Variants in RTKN2 observed in about 807,000 individuals in gnomAD.
The protein encoded by RTKN2 is rhotekin-2.
In RTKN2, 69 loss-of-function variants were observed where a neutral mutation model predicts 71.5. That is an observed-to-expected ratio of 0.96 (90% CI 0.79 to 1.18). The LOEUF (loss-of-function observed/expected upper bound fraction) is 1.18, where lower values mean the gene tolerates loss of function less well. Among genes scored for constraint, RTKN2 ranks in the 50% most tolerant of loss-of-function variants. The probability of loss-of-function intolerance (pLI) is 0.00; values close to 1 mark genes in which losing one functional copy is unlikely to be tolerated. For missense variants in RTKN2, 724 were observed against 719.7 expected, an observed-to-expected ratio of 1.01 and a Z score of -0.07; for synonymous variants, 236 against 236.5, an observed-to-expected ratio of 1.00 and a Z score of 0.02.
intron 7 of RTKN2, among the ~76,000 whole-genome samples, chr10:62,221,741 T>C (rs1841912077): frequency 6.6e-6 from 1 of 152,216 alleles, no homozygotes; most frequent in African/African-American, 2.4e-5. Flanking sequence ...TCCTAACAAA[T>C]AATTAGCAAA....
intron 2 of RTKN2, among the ~76,000 whole-genome samples, chr10:62,257,350 T>C (rs1482828363): frequency 6.6e-5 from 10 of 152,232 alleles, no homozygotes; most frequent in Non-Finnish European, 1.5e-4. Flanking sequence ...GAGGTATTCA[T>C]GATTTGGATG....
rs1224144640 is a variant in RTKN2 at position 62,193,944 on chromosome 10, A to G, written c.*3964T>C. The G allele has an allele frequency of 1.1e-5, 11 of 983,994 alleles. No individual in the cohort carries two copies. Among genetic ancestry groups the G allele is most frequent in the African/African-American group, 5.2e-5 (3 of 57,206 alleles). The allele number at this position is 983,994 out of a possible 1,614,324, so 61.0% of individuals were successfully genotyped here. ...TTAAACTGATTCCACCACACTGTCT[A>G]CTTCAATCAGTCTAGTCTAGAGGAG... On this transcript the variant is annotated 3_prime_UTR_variant, in exon 12 of 12. Transcript: ENST00000373789.
chr10:62,193,260 A>T lies in RTKN2; in HGVS notation c.*4648T>A, dbSNP rs1463213837. 1.0e-6 allele frequency: 1 copy of T among 961,168 alleles called. No individual in the cohort carries two copies. The highest frequency in any genetic ancestry group is 1.8e-5 in the African/African-American group (1 of 56,724). The allele number at this position is 961,168 out of a possible 1,614,324, so 59.5% of individuals were successfully genotyped here. A position where few individuals can be genotyped will look rare whatever the true frequency, so the allele number is the denominator to read the frequency against. On this transcript the variant is annotated 3_prime_UTR_variant, in exon 12 of 12. Coordinates refer to ENST00000373789, the MANE Select transcript of RTKN2 (RefSeq NM_145307.4). ...TCTGACATAATTATGTATATACAAG[A>T]TCTTTTCAATCTACCTCTCCTTTAG...
rs1841330458 is a variant in RTKN2 at position 62,196,324 on chromosome 10, C to A, written c.*1584G>T. On this transcript the variant is annotated 3_prime_UTR_variant, in exon 12 of 12. Coordinates refer to ENST00000373789, the MANE Select transcript of RTKN2 (RefSeq NM_145307.4). Reference sequence around the variant, plus strand: ...ACATGTGATGATCTCTACATGCTATCAAGCAGGCATATAGTACTTTCTTCT... The same window carrying A: ...ACATGTGATGATCTCTACATGCTATAAAGCAGGCATATAGTACTTTCTTCT... The A allele has an allele frequency of 3.0e-6, 3 of 983,958 alleles. No individual in the cohort carries two copies. The South Asian group carries it at 1.4e-4, about 46-fold the overall frequency. The allele number at this position is 983,958 out of a possible 1,614,324, so 61.0% of individuals were successfully genotyped here.
chr10:62,229,142 G>C (rs1440254618), intron 6 of RTKN2, among the ~76,000 whole-genome samples: 1 of 152,196 alleles, frequency 6.6e-6, no homozygotes, highest in African/African-American at 2.4e-5. Flanking sequence ...ACCAAGGTTG[G>C]AGTTTTTCCA....
intron 7 of RTKN2, among the ~76,000 whole-genome samples, chr10:62,218,768 T>G (rs545231942): frequency 6.6e-6 from 1 of 152,308 alleles, no homozygotes; most frequent in South Asian, 2.1e-4. Flanking sequence ...GGCGGATCAC[T>G]TGAGGTCAGG....
Position 62,208,156 on chromosome 10 carries a change from T to A in RTKN2, c.1021-3134A>T, listed in dbSNP as rs188943885. Among the ~76,000 whole-genome samples the A allele has an allele frequency of 7.9e-5, 12 of 152,278 alleles. 1 individual carries two copies. The highest frequency in any genetic ancestry group is 2.6e-4 in the African/African-American group (11 of 41,570). ...ACTCTAAAGTCACAGGAAAGTTTCA[T>A]TTAGGTTTTTAAAAATTATTATTTT... On this transcript the variant is annotated intron_variant, in intron 9 of 11. Coordinates refer to ENST00000373789, the MANE Select transcript of RTKN2 (RefSeq NM_145307.4).
chr10:62,268,353 G>A (rs1320541794), intron 1 of RTKN2, among the ~76,000 whole-genome samples, 198 bp downstream of exon 1: 1 of 152,272 alleles, frequency 6.6e-6, no homozygotes, highest in African/African-American at 2.4e-5. Context: ...TCAGCTGCCT[G>A]AGAAACTCGG....
chr10:62,253,165 T>TATC (rs1842613197), intron 2 of RTKN2, among the ~76,000 whole-genome samples: 1 of 152,080 alleles, frequency 6.6e-6, no homozygotes, highest in African/African-American at 2.4e-5. Context: ...TGGACAAAGA[T>TATC]GTATGAAACA....
chr10:62,243,097 A>G (rs1196132004), intron 3 of RTKN2, among the ~76,000 whole-genome samples: 1 of 150,814 alleles, frequency 6.6e-6, no homozygotes, highest in Admixed American at 6.6e-5. Flanking sequence ...CTCATCATTT[A>G]GCATTAGATA....
At position 62,211,323 on chromosome 10, in the gene RTKN2, G is replaced by C. The variant is rs80117685; in HGVS notation, c.1020+5795C>G. ...ACAATGGGAGGGGAATAGCTCTTAG[G>C]CTTTTCTTCCCTTAATGTGACTATT... is the stretch of plus-strand genomic sequence containing the variant. On this transcript the variant is annotated intron_variant, in intron 9 of 11. Coordinates refer to ENST00000373789, the MANE Select transcript of RTKN2 (RefSeq NM_145307.4). 2.9e-3 allele frequency among the ~76,000 whole-genome samples: 434 copies of C among 152,198 alleles called. 3 individuals carry two copies. Among genetic ancestry groups the C allele is most frequent in the African/African-American group, 1.0e-2 (414 of 41,530 alleles).
At chr10:62,245,546 T>C (rs989754663) in intron 3 of RTKN2, among the ~76,000 whole-genome samples, 3 of 152,182 alleles carry the variant, frequency 2.0e-5, no homozygotes, top group Non-Finnish European at 2.9e-5. Context: ...GCAATTACTA[T>C]GAGCCAAGCA....
At position 62,239,675 on chromosome 10, in the gene RTKN2, T is replaced by C. The variant is rs981295836; in HGVS notation, c.461A>G (p.Asp154Gly). Residue 154 changes from aspartate to glycine, a missense_variant, in exon 5 of 12, where the codon GAT (aspartate) becomes GGT (glycine). Transcript: ENST00000373789. ...TATGGTTACATTTTCAAAACATATATCTGTGATTGTTTTATCCACATTCAC... is the reference window on the plus strand; with the variant it reads ...TATGGTTACATTTTCAAAACATATACCTGTGATTGTTTTATCCACATTCAC... Reference protein sequence around the residue: ...DVVNVDKTITDICFENVTIFN... With the variant: ...DVVNVDKTITGICFENVTIFN... 2.6e-6 allele frequency: 4 copies of C among 1,521,808 alleles called. No homozygotes were observed. In the Admixed American group the frequency reaches 5.3e-5, roughly 20 times the overall value. 94.3% of individuals were successfully genotyped at this position (1,521,808 alleles called of 1,614,324 possible). A position where few individuals can be genotyped will look rare whatever the true frequency, so the allele number is the denominator to read the frequency against.
chr10:62,229,823 CT>C (rs1389052964), intron 6 of RTKN2, among the ~76,000 whole-genome samples: 9 of 152,086 alleles, frequency 5.9e-5, no homozygotes, highest in African/African-American at 2.2e-4. Context: ...CATCTTTTAA[CT>C]ACTTTAAGGT....
chr10:62,227,295 T>C (rs1199830868), intron 6 of RTKN2, among the ~76,000 whole-genome samples: 1 of 152,080 alleles, frequency 6.6e-6, no homozygotes. Flanking sequence ...GGTGAAGGGA[T>C]TAAGGTCAGG....
chr10:62,255,408 C>G (rs1317864354), intron 2 of RTKN2, among the ~76,000 whole-genome samples: 1 of 152,072 alleles, frequency 6.6e-6, no homozygotes, highest in Non-Finnish European at 1.5e-5. Context: ...AAATATAAAG[C>G]AAGAATGGAT....
intron 8 of RTKN2, among the ~76,000 whole-genome samples, chr10:62,187,452 C>T: frequency 6.6e-6 from 1 of 152,230 alleles, no homozygotes; most frequent in East Asian, 1.9e-4. Flanking sequence ...CCCTTCAGAG[C>T]CCTCAGGCCT....
At chr10:62,265,539 A>C (rs1842853631) in intron 1 of RTKN2, among the ~76,000 whole-genome samples, 1 of 151,522 alleles carries the variant, frequency 6.6e-6, no homozygotes, top group Non-Finnish European at 1.5e-5. Flanking sequence ...TGAATTGTTA[A>C]GTGTACATAT....
downstream of RTKN2, chr10:62,193,050 CCT>C (rs1841249340): frequency 4.7e-6 from 1 of 213,876 alleles, no homozygotes; most frequent in Non-Finnish European, 8.0e-6. Context: ...TACTATTCTC[CCT>C]GTTAATATAA....
Sources: allele counts gnomAD v4.1 joint callset (sites outside exome capture counted in the v4.1 genomes callset), GRCh38; gene constraint gnomAD v4.1.1; transcripts MANE v1.5; gene names NCBI Gene and HGNC (gene_info 2026-07-23, HGNC 2026-07-21).